The following ADGRL4 variants were observed in gnomAD, a reference collection of about 807,000 sequenced individuals.
ADGRL4 encodes the protein adhesion G protein-coupled receptor L4, also known as EGF, latrophilin and seven transmembrane domain containing 1.
Under a neutral mutation model 74.8 loss-of-function variants are expected in ADGRL4, and 90 were observed. The ratio of observed to expected loss-of-function variants is 1.20; its 90% CI spans 1.02 to 1.43. The LOEUF (loss-of-function observed/expected upper bound fraction) is 1.43, where lower values mean the gene tolerates loss of function less well. Among genes scored for constraint, ADGRL4 ranks in the 40% most tolerant of loss-of-function variants. The probability of loss-of-function intolerance (pLI) is 0.00; values close to 1 mark genes in which losing one functional copy is unlikely to be tolerated. For missense variants in ADGRL4, 881 were observed against 814.3 expected, an observed-to-expected ratio of 1.08 and a Z score of -1.00; for synonymous variants, 311 against 279.2, an observed-to-expected ratio of 1.11 and a Z score of -1.14.
chr1:78,970,663 A>G (rs1469228240), intron 2 of ADGRL4, among the ~76,000 whole-genome samples: 1 of 152,190 alleles, frequency 6.6e-6, no homozygotes, highest in East Asian at 1.9e-4. Flanking sequence ...CTAGATGGAT[A>G]GGCATTAATC....
chr1:78,986,987 G>C (rs1003839911), intron 2 of ADGRL4, among the ~76,000 whole-genome samples: 6 of 151,852 alleles, frequency 4.0e-5, no homozygotes, highest in Admixed American at 4.0e-4. Flanking sequence ...ATGAAACAAA[G>C]TAGATAAATC....
intron 12 of ADGRL4, among the ~76,000 whole-genome samples, chr1:78,895,746 T>C (rs1351390393): frequency 6.6e-6 from 1 of 151,354 alleles, no homozygotes; most frequent in Non-Finnish European, 1.5e-5. Flanking sequence ...ATGACATGAG[T>C]TGGGTGAGGA....
intron 2 of ADGRL4, 109 bp from the exon 3 acceptor site, chr1:78,946,535 A>G: frequency 1.1e-6 from 1 of 876,830 alleles, no homozygotes; most frequent in Non-Finnish European, 1.7e-6. Flanking sequence ...AAGGTATGTG[A>G]TGTTTATATC....
At chr1:78,966,452 T>TGG (rs1210700768) in intron 2 of ADGRL4, among the ~76,000 whole-genome samples, 1 of 152,186 alleles carries the variant, frequency 6.6e-6, no homozygotes, top group Non-Finnish European at 1.5e-5. Context: ...GCGCCCAACG[T>TGG]GGGTCTTGAG....
At chr1:78,947,369 G>A (rs552931305) in intron 2 of ADGRL4, among the ~76,000 whole-genome samples, 1 of 152,254 alleles carries the variant, frequency 6.6e-6, no homozygotes, top group Non-Finnish European at 1.5e-5. Flanking sequence ...CAGAAGAGAA[G>A]GCTTTGTGAA....
intron 7 of ADGRL4, among the ~76,000 whole-genome samples, chr1:78,931,097 C>T (rs1440268347): frequency 3.3e-5 from 5 of 151,284 alleles, no homozygotes; most frequent in Non-Finnish European, 5.9e-5. Context: ...CACTAAGATA[C>T]TCCACGAGAA....
At chr1:78,937,602 A>G (rs1256169154) in intron 6 of ADGRL4, among the ~76,000 whole-genome samples, 2 of 152,238 alleles carry the variant, frequency 1.3e-5, no homozygotes, top group Non-Finnish European at 2.9e-5. Flanking sequence ...GATAGGAAGG[A>G]GACACTTGTG....
chr1:78,980,422 C>T lies in ADGRL4; in HGVS notation c.172+24648G>A, dbSNP rs191549114. 1.5e-3 allele frequency among the ~76,000 whole-genome samples: 221 copies of T among 151,986 alleles called. 3 individuals are homozygous for T. Among genetic ancestry groups the T allele is most frequent in the African/African-American group, 5.2e-3 (214 of 41,508 alleles). Reference sequence around the variant, plus strand: ...AAAAACAAAATAAAAAAAACTGTCTCTTACAATATATCATTGTCTCCAACA... The same window carrying T: ...AAAAACAAAATAAAAAAAACTGTCTTTTACAATATATCATTGTCTCCAACA... On this transcript the variant is annotated intron_variant, in intron 2 of 14. Coordinates refer to ENST00000370742, the MANE Select transcript of ADGRL4 (RefSeq NM_022159.4).
chr1:78,994,579 AAAAAT>A (rs1338502012), intron 2 of ADGRL4, among the ~76,000 whole-genome samples: 1 of 152,222 alleles, frequency 6.6e-6, no homozygotes, highest in East Asian at 1.9e-4. Flanking sequence ...TCGTCAGTTT[AAAAAT>A]AAAATGAAAT....
chr1:78,892,715 C>T (rs146621841), intron 13 of ADGRL4, among the ~76,000 whole-genome samples: 76 of 152,042 alleles, frequency 5.0e-4, no homozygotes, highest in Non-Finnish European at 9.1e-4. Context: ...TTCAATAAAT[C>T]AGTTTTAAAG....
intron 3 of ADGRL4, among the ~76,000 whole-genome samples, chr1:78,941,922 C>T (rs567792108): frequency 2.4e-3 from 372 of 152,030 alleles, no homozygotes; most frequent in African/African-American, 8.3e-3. Flanking sequence ...CTTCTAGGCC[C>T]GGCGCAGTGG....
chr1:78,918,625 T>C (rs536084086), intron 10 of ADGRL4, among the ~76,000 whole-genome samples: 2 of 152,078 alleles, frequency 1.3e-5, no homozygotes, highest in East Asian at 1.9e-4. Flanking sequence ...CTTTTCAGTG[T>C]TTATTTCTCA....
At chr1:78,905,962 T>C (rs527422044) in intron 12 of ADGRL4, among the ~76,000 whole-genome samples, 1 of 152,108 alleles carries the variant, frequency 6.6e-6, no homozygotes, top group East Asian at 1.9e-4. Flanking sequence ...CTAAGAAATA[T>C]AGCTCAAATT....
intron 7 of ADGRL4, among the ~76,000 whole-genome samples, chr1:78,935,752 G>A (rs1311635858): frequency 2.6e-5 from 4 of 152,072 alleles, no homozygotes; most frequent in Non-Finnish European, 5.9e-5. Context: ...AAAGTTGGAG[G>A]TAAGACAAGG....
intron 9 of ADGRL4, among the ~76,000 whole-genome samples, 174 bp downstream of exon 9, chr1:78,921,439 A>G (rs2100672758): frequency 6.7e-6 from 1 of 149,694 alleles, no homozygotes; most frequent in South Asian, 2.1e-4. Context: ...ATGTTTCAGA[A>G]GGTAGGTAGG....
At chr1:78,967,471 T>C (rs1057072823) in intron 2 of ADGRL4, among the ~76,000 whole-genome samples, 6 of 152,338 alleles carry the variant, frequency 3.9e-5, no homozygotes, top group Admixed American at 3.3e-4. Flanking sequence ...CTACTGAGAA[T>C]AGATTTACAT....
intron 2 of ADGRL4, among the ~76,000 whole-genome samples, chr1:78,977,629 A>G (rs1570267754): frequency 2.6e-5 from 4 of 151,888 alleles, no homozygotes; most frequent in Non-Finnish European, 5.9e-5. Context: ...AAAGAGACCA[A>G]TGAAATAGAA....
rs184908643 is a variant in ADGRL4 at position 78,990,648 on chromosome 1, A to G, written c.172+14422T>C. Among the ~76,000 whole-genome samples the G allele has an allele frequency of 3.1e-3, 471 of 152,126 alleles. 3 individuals carry two copies. Among genetic ancestry groups the G allele is most frequent in the African/African-American group, 0.011 (458 of 41,558 alleles). ...TTTGTCTACAAATAAACTGAAATTCAAAGACCAAAACACATTTAAAAGACC... is the reference window on the plus strand; with the variant it reads ...TTTGTCTACAAATAAACTGAAATTCGAAGACCAAAACACATTTAAAAGACC... On this transcript the variant is annotated intron_variant, in intron 2 of 14. Coordinates refer to ENST00000370742, the MANE Select transcript of ADGRL4 (RefSeq NM_022159.4).
At chr1:79,005,289 G>T in intron 1 of ADGRL4, 70 bp from the exon 2 acceptor site, 1 of 1,207,132 alleles carries the variant, frequency 8.3e-7, no homozygotes, top group Non-Finnish European at 1.1e-6. Context: ...TTGAATTAGA[G>T]TATAATAAAC....
Sources: gnomAD v4.1 joint callset for allele counts (sites outside exome capture counted in the v4.1 genomes callset) on GRCh38, gnomAD v4.1.1 for gene constraint, MANE v1.5 for transcripts, NCBI Gene and HGNC (gene_info 2026-07-23, HGNC 2026-07-21) for gene names.